PCCA: variants seen among roughly 807,000 people sequenced by gnomAD.
PCCA encodes propionyl-CoA carboxylase subunit alpha, also known as propionyl-CoA carboxylase alpha chain, mitochondrial.
A neutral mutation model predicts 101.3 loss-of-function variants in PCCA; 74 were observed. The observed-to-expected ratio is 0.73, with a 90% confidence interval of 0.61 to 0.89. PCCA has a LOEUF of 0.89. PCCA is among the 40% of genes least tolerant of loss of function. PCCA has a pLI of 0.00. For missense variants in PCCA, 891 were observed against 907.0 expected, an observed-to-expected ratio of 0.98 and a Z score of 0.23; for synonymous variants, 294 against 313.6, an observed-to-expected ratio of 0.94 and a Z score of 0.66.
chr13:100,321,507 T>C, intron 16 of PCCA, among the ~76,000 whole-genome samples: 1 of 152,022 alleles, frequency 6.6e-6, no homozygotes, highest in Non-Finnish European at 1.5e-5. Context: ...AACATAGTTA[T>C]TATGTATGGG....
At chr13:100,113,106 A>G (rs770058608) in intron 4 of PCCA, among the ~76,000 whole-genome samples, 6 of 152,218 alleles carry the variant, frequency 3.9e-5, no homozygotes, top group African/African-American at 9.6e-5. Flanking sequence ...GGTGAATTCA[A>G]TATTGTGTGA....
chr13:100,093,645 A>G (rs913846306), intron 1 of PCCA, among the ~76,000 whole-genome samples: 5 of 152,208 alleles, frequency 3.3e-5, no homozygotes, highest in African/African-American at 9.6e-5. Context: ...CAGGTGTGGT[A>G]GCTCACGCCT....
intron 8 of PCCA, among the ~76,000 whole-genome samples, chr13:100,248,903 C>T (rs572793530): frequency 1.3e-5 from 2 of 151,884 alleles, no homozygotes; most frequent in African/African-American, 2.4e-5. Context: ...CCCGCCACCA[C>T]GCCTGGCTAA....
intron 18 of PCCA, among the ~76,000 whole-genome samples, chr13:100,347,026 A>G (rs2072350491): frequency 6.6e-6 from 1 of 152,002 alleles, no homozygotes; most frequent in African/African-American, 2.4e-5. Flanking sequence ...GGCACATGCC[A>G]CCACACCCCA....
At chr13:100,100,309 C>G (rs1017239742) in intron 1 of PCCA, among the ~76,000 whole-genome samples, 1 of 152,128 alleles carries the variant, frequency 6.6e-6, no homozygotes, top group African/African-American at 2.4e-5. Context: ...ATCATTATTC[C>G]TGTGGGAGAG....
chr13:100,143,256 G>A (rs1030965869), intron 4 of PCCA, among the ~76,000 whole-genome samples: 4 of 152,130 alleles, frequency 2.6e-5, no homozygotes, highest in African/African-American at 9.7e-5. Flanking sequence ...TTGGCCAGGT[G>A]CGGTGGCTCA....
chr13:100,324,215 T>A (rs2152722408), intron 16 of PCCA, among the ~76,000 whole-genome samples: 1 of 152,348 alleles, frequency 6.6e-6, no homozygotes, highest in Middle Eastern at 3.4e-3. Flanking sequence ...CTTTCATTCC[T>A]GTGTAACATC....
At chr13:100,361,949 A>T (rs1157818930) in intron 18 of PCCA, among the ~76,000 whole-genome samples, 5 of 152,206 alleles carry the variant, frequency 3.3e-5, no homozygotes, top group Non-Finnish European at 7.3e-5. Flanking sequence ...AGTACAAAGA[A>T]TATCTACAGT....
At chr13:100,309,356 C>T (rs947377500) in intron 15 of PCCA, among the ~76,000 whole-genome samples, 2 of 152,186 alleles carry the variant, frequency 1.3e-5, no homozygotes, top group Non-Finnish European at 2.9e-5. Flanking sequence ...GAGATTGCGC[C>T]ACTGCCCTCC....
intron 21 of PCCA, among the ~76,000 whole-genome samples, chr13:100,485,561 A>G (rs1328832775): frequency 6.6e-6 from 1 of 152,194 alleles, no homozygotes; most frequent in Non-Finnish European, 1.5e-5. Flanking sequence ...CCAACTCTAG[A>G]ACTTACAGAA....
rs763331038 is a variant in PCCA at position 100,400,627 on chromosome 13, G to GTTTT, written c.1747-25004_1747-25003insTTTT. On this transcript the variant is annotated intron_variant, in intron 19 of 23. Transcript: ENST00000376285. ...TGATGATTGATCTTAGTTCTTTTTA[G>GTTTT]TTCTTTTTTTTTTTTTTTTTGAGAG... 5.8e-3 allele frequency among the ~76,000 whole-genome samples: 463 copies of GTTTT among 80,116 alleles called. 21 individuals carry two copies. Among genetic ancestry groups the GTTTT allele is most frequent in the South Asian group, 0.015 (33 of 2,260 alleles). 52.6% of individuals were successfully genotyped at this position (80,116 alleles called of 152,430 possible). A position where few individuals can be genotyped will look rare whatever the true frequency, so the allele number is the denominator to read the frequency against.
At chr13:100,144,092 A>T (rs2052240347) in intron 4 of PCCA, among the ~76,000 whole-genome samples, 1 of 151,350 alleles carries the variant, frequency 6.6e-6, no homozygotes, top group African/African-American at 2.5e-5. Flanking sequence ...TTTAAATTTC[A>T]TACCACTGCT....
chr13:100,435,520 G>A (rs1033272240), intron 20 of PCCA, among the ~76,000 whole-genome samples: 4 of 152,166 alleles, frequency 2.6e-5, no homozygotes, highest in Non-Finnish European at 4.4e-5. Context: ...CATCCAGTCC[G>A]ATCACGTGTA....
intron 6 of PCCA, among the ~76,000 whole-genome samples, chr13:100,173,516 C>A (rs1022703129): frequency 6.6e-6 from 1 of 152,070 alleles, no homozygotes; most frequent in African/African-American, 2.4e-5. Flanking sequence ...AAATACATAT[C>A]CTAGAGAAAG....
chr13:100,111,782 T>G, intron 2 of PCCA, 59 bp from the exon 3 acceptor site: 1 of 1,211,982 alleles, frequency 8.3e-7, no homozygotes, highest in Non-Finnish European at 1.2e-6. Flanking sequence ...TGTTTTTTGG[T>G]CTTAAACCAT....
At chr13:100,446,993 T>G (rs1188817137) in intron 20 of PCCA, among the ~76,000 whole-genome samples, 1 of 152,258 alleles carries the variant, frequency 6.6e-6, no homozygotes, top group East Asian at 1.9e-4. Flanking sequence ...CATTTACATT[T>G]CTTGCCATTG....
chr13:100,446,708 T>A (rs1169197121), intron 20 of PCCA, among the ~76,000 whole-genome samples: 5 of 152,252 alleles, frequency 3.3e-5, no homozygotes. Context: ...TGTCTTTTTT[T>A]GCCTTTATTA....
chr13:100,513,107 C>T (rs977456822), intron 21 of PCCA, among the ~76,000 whole-genome samples: 8 of 152,248 alleles, frequency 5.3e-5, no homozygotes, highest in Non-Finnish European at 7.3e-5. Flanking sequence ...CATCCCGGCA[C>T]GCGCCCCGTG....
intron 19 of PCCA, among the ~76,000 whole-genome samples, chr13:100,378,485 G>C (rs188925118): frequency 1.3e-5 from 2 of 152,112 alleles, no homozygotes; most frequent in Non-Finnish European, 2.9e-5. Context: ...CACTAGACTT[G>C]GGGAGTTTTC....
Sources: gnomAD v4.1 joint callset for allele counts (sites outside exome capture counted in the v4.1 genomes callset) on GRCh38, gnomAD v4.1.1 for gene constraint, MANE v1.5 for transcripts, NCBI Gene and HGNC (gene_info 2026-07-23, HGNC 2026-07-21) for gene names.